Variants in RELN observed in about 807,000 individuals in gnomAD.
RELN encodes reelin.
Under a neutral mutation model 427.6 loss-of-function variants are expected in RELN, and 108 were observed. The ratio of observed to expected loss-of-function variants is 0.25; its 90% CI spans 0.22 to 0.30. RELN has a LOEUF of 0.30. RELN is among the 10% of genes least tolerant of loss of function. The pLI, the probability that RELN is intolerant of heterozygous loss-of-function variation, is 1.00. For synonymous variants in RELN, 1,524 were observed against 1,513.4 expected, an observed-to-expected ratio of 1.01 and a Z score of -0.16; for missense variants, 3,715 against 4,302.8, an observed-to-expected ratio of 0.86 and a Z score of 3.82.
At chr7:103,860,186 C>G (rs1054319284) in intron 2 of RELN, among the ~76,000 whole-genome samples, 1 of 152,052 alleles carries the variant, frequency 6.6e-6, no homozygotes, top group African/African-American at 2.4e-5. Flanking sequence ...GATGACAAAA[C>G]AAAAATCCAA....
At chr7:103,508,466 A>G (rs1829289312) in intron 51 of RELN, among the ~76,000 whole-genome samples, 1 of 152,246 alleles carries the variant, frequency 6.6e-6, no homozygotes, top group Non-Finnish European at 1.5e-5. Context: ...TTCATGTTAA[A>G]AACTCAATAA....
intron 16 of RELN, among the ~76,000 whole-genome samples, chr7:103,643,929 T>C (rs1743567008): frequency 1.3e-5 from 2 of 151,734 alleles, no homozygotes; most frequent in South Asian, 4.2e-4. Flanking sequence ...AAAGAGTAGG[T>C]TGAAAATTAT....
chr7:103,761,616 T>C (rs184712182), intron 4 of RELN, among the ~76,000 whole-genome samples: 1 of 151,264 alleles, frequency 6.6e-6, no homozygotes, highest in East Asian at 1.9e-4. Flanking sequence ...CCAAGACCAG[T>C]AAATTTTTTT....
At chr7:103,901,032 C>T (rs755591365) in intron 2 of RELN, among the ~76,000 whole-genome samples, 13 of 151,976 alleles carry the variant, frequency 8.6e-5, no homozygotes, top group Non-Finnish European at 1.6e-4. Context: ...AAAATTCACA[C>T]TGTCCATACT....
chr7:103,605,605 G>T (rs956853826), intron 22 of RELN, among the ~76,000 whole-genome samples: 37 of 152,248 alleles, frequency 2.4e-4, no homozygotes, highest in African/African-American at 8.7e-4. Flanking sequence ...TGGTCAAAGG[G>T]CTAAATGAAA....
At chr7:103,833,399 TTGGCAACAAAA>T (rs2116408099) in intron 3 of RELN, 127 bp downstream of exon 3, 1 of 898,086 alleles carries the variant, frequency 1.1e-6, no homozygotes, top group African/African-American at 1.7e-5. Context: ...TTTACCTTTT[TTGGCAACAAAA>T]TTAGTGATTT....
At chr7:103,825,270 A>C (rs553857265) in intron 3 of RELN, among the ~76,000 whole-genome samples, 1 of 152,188 alleles carries the variant, frequency 6.6e-6, no homozygotes, top group South Asian at 2.1e-4. Context: ...GCAGGGACTG[A>C]GATCCAGGCA....
intron 4 of RELN, among the ~76,000 whole-genome samples, chr7:103,776,223 G>T (rs1791738943): frequency 6.6e-6 from 1 of 152,122 alleles, no homozygotes. Context: ...TTTCAACAAA[G>T]CTGACAGGAT....
At chr7:103,651,555 G>C in intron 15 of RELN, 106 bp downstream of exon 15, 2 of 1,100,680 alleles carry the variant, frequency 1.8e-6, no homozygotes, top group Non-Finnish European at 2.8e-6. Flanking sequence ...AAGAGGTTAG[G>C]TTTCTTACCT....
intron 17 of RELN, among the ~76,000 whole-genome samples, chr7:103,639,802 A>G (rs556016867): frequency 9.9e-5 from 15 of 152,180 alleles, no homozygotes; most frequent in African/African-American, 2.9e-4. Context: ...GGGACAAGAA[A>G]AAGTAGACTA....
At chr7:103,957,937 A>T (rs7794238) in intron 1 of RELN, among the ~76,000 whole-genome samples, 18,801 of 152,182 alleles carry the variant, frequency 0.12, 1,199 homozygotes, top group Middle Eastern at 0.21. Flanking sequence ...CAAGCACTGG[A>T]AACACTAGAA....
intron 2 of RELN, among the ~76,000 whole-genome samples, chr7:103,889,297 C>T (rs1044518430): frequency 1.3e-5 from 2 of 152,188 alleles, no homozygotes. Context: ...TCCTGAGCTA[C>T]ACGGGAATGT....
intron 3 of RELN, among the ~76,000 whole-genome samples, chr7:103,791,329 A>C (rs1435624350): frequency 6.6e-6 from 1 of 152,206 alleles, no homozygotes. Context: ...GAGGACTTGC[A>C]CTTCCTTATT....
At chr7:103,916,184 C>A (rs1795477490) in intron 2 of RELN, among the ~76,000 whole-genome samples, 1 of 152,062 alleles carries the variant, frequency 6.6e-6, no homozygotes. Flanking sequence ...CTCATCTGGG[C>A]AGGGCTACTG....
At position 103,497,077 on chromosome 7, in the gene RELN, A is replaced by T. The variant is rs540582017; in HGVS notation, c.8951-309T>A. ...TTCTCACAAATAATGAGATACACCC[A>T]TGTTTTACATGTTTCTAGGCAATAG... On this transcript the variant is annotated intron_variant, in intron 55 of 64. Transcript: ENST00000428762. Among the ~76,000 whole-genome samples, 19 of 152,336 alleles carry T rather than the reference A, an allele frequency of 1.2e-4. No individual in the cohort carries two copies. The South Asian group carries it at 3.5e-3, about 28-fold the overall frequency.
chr7:103,704,918 A>G (rs975992138), intron 8 of RELN, among the ~76,000 whole-genome samples: 18 of 152,170 alleles, frequency 1.2e-4, no homozygotes, highest in Non-Finnish European at 2.1e-4. Context: ...CCAAATCAAC[A>G]GATTGCTTTC....
At chr7:103,681,706 A>G (rs1260983570) in intron 11 of RELN, among the ~76,000 whole-genome samples, 1 of 152,146 alleles carries the variant, frequency 6.6e-6, no homozygotes, top group East Asian at 1.9e-4. Context: ...AAGAATTTTT[A>G]TAGATCAAAG....
At chr7:103,972,350 A>G (rs1224826665) in intron 1 of RELN, among the ~76,000 whole-genome samples, 1 of 152,228 alleles carries the variant, frequency 6.6e-6, no homozygotes, top group Non-Finnish European at 1.5e-5. Flanking sequence ...CAAGTAAGAG[A>G]CTGGATTTAG....
At chr7:103,764,470 A>G (rs1055112035) in intron 4 of RELN, among the ~76,000 whole-genome samples, 2 of 152,146 alleles carry the variant, frequency 1.3e-5, no homozygotes, top group African/African-American at 4.8e-5. Context: ...CTCTTTGTAT[A>G]AGCACCAAGG....
Sources: allele counts gnomAD v4.1 joint callset (sites outside exome capture counted in the v4.1 genomes callset), GRCh38; gene constraint gnomAD v4.1.1; transcripts MANE v1.5; gene names NCBI Gene and HGNC (gene_info 2026-07-23, HGNC 2026-07-21).